Variants in PCNX2 observed in about 807,000 individuals in gnomAD.
The protein encoded by PCNX2 is pecanex-like protein 2.
Under a neutral mutation model 223.8 loss-of-function variants are expected in PCNX2, and 168 were observed. That is an observed-to-expected ratio of 0.75 (90% CI 0.66 to 0.85). The LOEUF is 0.85. Ranked by LOEUF, PCNX2 falls within the 40% of genes least tolerant of loss-of-function variation. The pLI is 0.00. For synonymous variants in PCNX2, 1,006 were observed against 1,052.6 expected, an observed-to-expected ratio of 0.96 and a Z score of 0.86; for missense variants, 2,507 against 2,675.5, an observed-to-expected ratio of 0.94 and a Z score of 1.39.
At chr1:233,180,765 G>C (rs1679745324) in intron 15 of PCNX2, 1 of 152,110 alleles carries the variant, frequency 6.6e-6, no homozygotes, top group Admixed American at 6.6e-5. Flanking sequence ...GCAAATTGCA[G>C]GGAGCTGAGT....
intron 14 of PCNX2, among the ~76,000 whole-genome samples, chr1:233,199,649 A>C (rs1220152676): frequency 6.6e-6 from 1 of 152,158 alleles, no homozygotes; most frequent in Non-Finnish European, 1.5e-5. Context: ...TCTGAATCTA[A>C]AGTATGACAT....
At position 233,167,262 on chromosome 1, in the gene PCNX2, C is replaced by A. The variant is rs11804430; in HGVS notation, c.3274-5899G>T. Among the ~76,000 whole-genome samples the A allele has an allele frequency of 6.7e-3, 1,026 of 152,124 alleles. 6 individuals carry two copies. Among genetic ancestry groups the A allele is most frequent in the Middle Eastern group, 0.031 (9 of 294 alleles). On this transcript the variant is annotated intron_variant, in intron 17 of 33. Transcript: ENST00000258229. ...TGCCACAACATGGATGAACCTGGAG[C>A]ACATTTTGCTAAGCGAAATAACCCA...
At chr1:233,319,575 C>T in the PCNX2 span, among the ~76,000 whole-genome samples, 3 of 152,216 alleles carry the variant, frequency 2.0e-5, no homozygotes, top group Non-Finnish European at 2.9e-5. Context: ...CCTTTAGTAA[C>T]ATCTTTCTTA....
chr1:233,266,700 G>T (rs1213176703), intron 1 of PCNX2, among the ~76,000 whole-genome samples: 1 of 152,110 alleles, frequency 6.6e-6, no homozygotes, highest in Non-Finnish European at 1.5e-5. Flanking sequence ...CCGTTTTCTT[G>T]TTCTAAGGGA....
intron 21 of PCNX2, among the ~76,000 whole-genome samples, chr1:233,096,152 C>G (rs2295743): frequency 0.17 from 26,245 of 152,176 alleles, 2,375 homozygotes; most frequent in African/African-American, 0.2. Flanking sequence ...AACAATCACA[C>G]CTTGGTCTTT....
In PCNX2 at chr1:233,125,051, A is replaced by T. The variant is rs1203762009; in HGVS notation, c.3837+9962T>A. 2.0e-5 allele frequency among the ~76,000 whole-genome samples: 3 copies of T among 152,204 alleles called. No homozygotes were observed. In the East Asian group the frequency reaches 5.8e-4, roughly 29 times the overall value. On this transcript the variant is annotated intron_variant, in intron 21 of 33. Coordinates refer to ENST00000258229, the MANE Select transcript of PCNX2 (RefSeq NM_014801.4). ...AAGGGCACTAAAGAAAGCACAGAGG[A>T]TACAAAGAAGGAAGAACAGAGTACC...
At chr1:233,314,824 AG>A in the PCNX2 span, among the ~76,000 whole-genome samples, 1 of 152,250 alleles carries the variant, frequency 6.6e-6, no homozygotes, top group African/African-American at 2.4e-5. Flanking sequence ...TACCCCTGAA[AG>A]GGATACTTAC....
At chr1:233,188,549 G>C (rs1173644702) in intron 15 of PCNX2, among the ~76,000 whole-genome samples, 1 of 152,076 alleles carries the variant, frequency 6.6e-6, no homozygotes, top group Non-Finnish European at 1.5e-5. Context: ...TTGAGACGGA[G>C]TCTTGCTCTG....
At chr1:233,033,040 C>T (rs1671324993) in intron 25 of PCNX2, 2 of 985,452 alleles carry the variant, frequency 2.0e-6, no homozygotes, top group Non-Finnish European at 2.4e-6. Flanking sequence ...CATATTCCCT[C>T]CAAAGGAAAT....
chr1:233,097,700 A>G (rs1159961554), intron 21 of PCNX2, among the ~76,000 whole-genome samples: 1 of 152,214 alleles, frequency 6.6e-6, no homozygotes, highest in Non-Finnish European at 1.5e-5. Flanking sequence ...TACATAAAAT[A>G]TAGTCATTTC....
rs369124081 is a variant in PCNX2 at position 233,258,432 on chromosome 1, T to C, written c.1430A>G (p.Asn477Ser). 4.3e-6 allele frequency: 7 copies of C among 1,613,766 alleles called. No homozygotes were observed. The South Asian group carries it at 5.5e-5, about 13-fold the overall frequency. The change falls in exon 5 of 34, where the codon AAT becomes AGT. Residue 477 changes from asparagine to serine, a missense_variant. Asn to Ser is a conservative substitution (Grantham distance 46). Coordinates refer to ENST00000258229, the MANE Select transcript of PCNX2 (RefSeq NM_014801.4). The part of the protein sequence containing the change: ...CSGYGSGEGG[N>S]AIKDHSSSSR... ...TGAAGAACTGTGATCCTTGATGGCA[T>C]TTCCCCCCTCCCCAGATCCGTAGCC... is the stretch of plus-strand genomic sequence containing the variant.
At chr1:232,997,419 C>G (rs1255678562) in intron 32 of PCNX2, among the ~76,000 whole-genome samples, 1 of 152,206 alleles carries the variant, frequency 6.6e-6, no homozygotes, top group Non-Finnish European at 1.5e-5. Flanking sequence ...TGGTGCAGAG[C>G]TAGCAGGAGA....
rs561668420 is a variant in PCNX2 at position 233,119,576 on chromosome 1, C to A, written c.3837+15437G>T. Among the ~76,000 whole-genome samples the A allele has an allele frequency of 2.1e-5, 3 of 145,938 alleles. No homozygotes were observed. The East Asian group carries it at 6.1e-4, about 30-fold the overall frequency. ...CTCCAGCCTGGGTGACAGAACGAGA[C>A]CTTGTCTCAAAAAAAAAAAAACAAA... On this transcript the variant is annotated intron_variant, in intron 21 of 33. Coordinates refer to ENST00000258229, the MANE Select transcript of PCNX2 (RefSeq NM_014801.4).
At chr1:233,066,079 C>T (rs1324914646) in intron 23 of PCNX2, among the ~76,000 whole-genome samples, 1 of 152,162 alleles carries the variant, frequency 6.6e-6, no homozygotes, top group Non-Finnish European at 1.5e-5. Flanking sequence ...GGACTACCCA[C>T]CTTTGGGTAG....
intron 20 of PCNX2, among the ~76,000 whole-genome samples, chr1:233,136,264 T>C (rs1174320042): frequency 6.6e-6 from 1 of 152,218 alleles, no homozygotes; most frequent in African/African-American, 2.4e-5. Context: ...TTTCTTTCCC[T>C]GGCTCAGTAT....
chr1:233,189,234 G>A (rs1680283819), intron 15 of PCNX2, among the ~76,000 whole-genome samples: 2 of 152,216 alleles, frequency 1.3e-5, no homozygotes, highest in Admixed American at 6.5e-5. Context: ...TGGAAAACAG[G>A]AATGTTGATA....
chr1:233,197,547 TGTG>T (rs1680807741), intron 15 of PCNX2, among the ~76,000 whole-genome samples: 1 of 152,190 alleles, frequency 6.6e-6, no homozygotes, highest in Admixed American at 6.5e-5. Context: ...ACAGGATAAA[TGTG>T]GTAACAAACG....
In PCNX2 at chr1:233,218,285, A is replaced by G. The variant is rs191040236; in HGVS notation, c.2505-101T>C. On this transcript the variant is annotated intron_variant, in intron 10 of 33. Coordinates refer to ENST00000258229, the MANE Select transcript of PCNX2 (RefSeq NM_014801.4). Reference sequence around the variant, plus strand: ...TTTTTCTGAGATGGAATCTTGCTCTATCGCCCAGGCTGGAGTGCAGTGGCA... The same window carrying G: ...TTTTTCTGAGATGGAATCTTGCTCTGTCGCCCAGGCTGGAGTGCAGTGGCA... 939 of 1,078,328 alleles carry G rather than the reference A, an allele frequency of 8.7e-4. 14 individuals are homozygous for G. The African/African-American group carries it at 0.017, about 20-fold the overall frequency. The allele number at this position is 1,078,328 out of a possible 1,614,324, so 66.8% of individuals were successfully genotyped here.
chr1:233,315,357 AT>A, the PCNX2 span, among the ~76,000 whole-genome samples: 1 of 152,214 alleles, frequency 6.6e-6, no homozygotes, highest in Non-Finnish European at 1.5e-5. Context: ...AAAATAAATG[AT>A]TGGATTTATT....
Sources: allele counts gnomAD v4.1 joint callset (sites outside exome capture counted in the v4.1 genomes callset), GRCh38; gene constraint gnomAD v4.1.1; transcripts MANE v1.5; gene names NCBI Gene and HGNC (gene_info 2026-07-23, HGNC 2026-07-21).